Variants in EP400 observed in about 807,000 individuals in gnomAD.
EP400 encodes E1A-binding protein p400.
Under a neutral mutation model 354.1 loss-of-function variants are expected in EP400, and 105 were observed. The observed-to-expected ratio is 0.30, with a 90% CI of 0.25 to 0.35. The LOEUF (loss-of-function observed/expected upper bound fraction) is 0.35. Ranked by LOEUF, EP400 falls within the 10% of genes least tolerant of loss-of-function variation. The probability of loss-of-function intolerance (pLI) is 1.00; values close to 1 mark genes in which losing one functional copy is unlikely to be tolerated. For missense variants in EP400, 3,280 were observed against 4,121.0 expected, an observed-to-expected ratio of 0.80 and a Z score of 5.59; for synonymous variants, 1,646 against 1,716.9, an observed-to-expected ratio of 0.96 and a Z score of 1.02.
Position 131,961,048 on chromosome 12 carries a change from G to A in EP400, c.429G>A (p.Pro143=), listed in dbSNP as rs148844498. The change falls in exon 2 of 53, where the codon CCG becomes CCA. Residue 143 remains proline, a synonymous_variant. Coordinates refer to ENST00000389561, the MANE Select transcript of EP400 (RefSeq NM_015409.5). ...GTCCCACGCAGCCCAGTCCGGGGCC[G>A]GGGCAGGCCTTGCAGAATGTGCGTG... is the stretch of plus-strand genomic sequence containing the variant. ...TQSPTQPSPG[P]GQALQNVRAG... 1.8e-5 allele frequency: 29 copies of A among 1,579,476 alleles called. No individual in the cohort carries two copies. Among genetic ancestry groups the A allele is most frequent in the African/African-American group, 8.1e-5 (6 of 74,144 alleles).
rs748365239 is a variant in EP400, at chr12:132,006,891, A to G, written c.3304+14A>G. 6.2e-7 allele frequency: 1 copy of G among 1,613,660 alleles called. No individual in the cohort carries two copies. The highest frequency in any genetic ancestry group is 1.1e-5 in the South Asian group (1 of 90,964). On this transcript the variant is annotated intron_variant, in intron 15 of 52. Transcript: ENST00000389561. ...CTTGTAACGAAGGTAAGAGTTTGCTAGTTTTTTTAACAATACCTATTTGCT... is the reference window on the plus strand; with the variant it reads ...CTTGTAACGAAGGTAAGAGTTTGCTGGTTTTTTTAACAATACCTATTTGCT...
At chr12:131,955,016 T>G (rs139381004) in intron 1 of EP400, among the ~76,000 whole-genome samples, 233 of 152,172 alleles carry the variant, frequency 1.5e-3, no homozygotes, top group Non-Finnish European at 2.4e-3. Flanking sequence ...GAGTGAGACC[T>G]TATGTCAAAA....
At chr12:132,000,250 G>A (rs1202822302) in intron 12 of EP400, among the ~76,000 whole-genome samples, 1 of 151,900 alleles carries the variant, frequency 6.6e-6, no homozygotes, top group African/African-American at 2.4e-5. Flanking sequence ...TTAGAAGGAT[G>A]TTTCTTAATT....
intron 3 of EP400, among the ~76,000 whole-genome samples, 162 bp downstream of exon 3, chr12:131,979,955 G>C (rs773071002): frequency 4.6e-5 from 7 of 152,146 alleles, no homozygotes; most frequent in Non-Finnish European, 2.9e-5. Context: ...CAATATTTAC[G>C]TGAATTTTTC....
At chr12:132,011,708 A>G in intron 16 of EP400, 74 bp downstream of exon 16, 1 of 1,465,140 alleles carries the variant, frequency 6.8e-7, no homozygotes, top group Non-Finnish European at 9.2e-7. Flanking sequence ...ACATTAAAAA[A>G]TGTGAAGACA....
intron 19 of EP400, among the ~76,000 whole-genome samples, chr12:132,015,960 G>A (rs957579977): frequency 6.6e-5 from 10 of 152,126 alleles, no homozygotes; most frequent in African/African-American, 2.4e-4. Context: ...GAGCTCCAGA[G>A]CTGCCAGACC....
At chr12:131,979,197 G>A (rs1393377587) in intron 2 of EP400, among the ~76,000 whole-genome samples, 1 of 150,208 alleles carries the variant, frequency 6.7e-6, no homozygotes, top group Non-Finnish European at 1.5e-5. Flanking sequence ...GGGTGACAGA[G>A]CGAGACTCCG....
Position 131,949,967 on chromosome 12 carries a change from G to A in EP400, c.-105G>A, listed in dbSNP as rs887482507. The A allele has an allele frequency of 1.1e-4, 17 of 151,874 alleles. No individual in the cohort carries two copies. Among genetic ancestry groups the A allele is most frequent in the African/African-American group, 4.1e-4 (17 of 41,424 alleles). The allele number at this position is 151,874 out of a possible 1,614,324, so 9.4% of individuals were successfully genotyped here. A position where few individuals can be genotyped will look rare whatever the true frequency, so the allele number is the denominator to read the frequency against. On this transcript the variant is annotated 5_prime_UTR_variant, in exon 1 of 53. The change abolishes the stop of an existing upstream ORF in the 5' untranslated region. Coordinates refer to ENST00000389561, the MANE Select transcript of EP400 (RefSeq NM_015409.5). ...CTCCCGCCGGGGCCCCGGATGCACT[G>A]AGCGGCTGCGGCGCGGCTTCCATCC...
chr12:131,990,155 G>T lies in EP400; in HGVS notation c.2550+51G>T. 1.3e-6 allele frequency: 2 copies of T among 1,558,370 alleles called. No individual in the cohort carries two copies. The highest frequency in any genetic ancestry group is 1.7e-6 in the Non-Finnish European group (2 of 1,157,834). On this transcript the variant is annotated intron_variant, in intron 8 of 52. Coordinates refer to ENST00000389561, the MANE Select transcript of EP400 (RefSeq NM_015409.5). This position sits in a 1 kb window ranked among gnomAD's most constrained non-coding sequence, Gnocchi z 4.2. ...CGTAAGAATCAGTCTGTCGGAGCTG[G>T]TGAGGCCACTTCCCGAGACCAGAGC...
In EP400 at chr12:132,069,737, C is replaced by T. The variant is rs916439907; in HGVS notation, c.9021+96C>T. 1.6e-5 allele frequency: 25 copies of T among 1,536,270 alleles called. No individual in the cohort carries two copies. In the African/African-American group the frequency reaches 1.8e-4, roughly 11 times the overall value. ...GGGCTTTGCGAGCTCCCAGCCCTTG[C>T]GGCTGCACTGGGTGGTGCACTGGAG... On this transcript the variant is annotated intron_variant, in intron 51 of 52. Transcript: ENST00000389561.
At position 132,044,843 on chromosome 12, in the gene EP400, A is replaced by G. The variant is rs778609624; in HGVS notation, c.6674A>G (p.Tyr2225Cys). The G allele has an allele frequency of 6.2e-7, 1 of 1,614,014 alleles. No homozygotes were observed. Among genetic ancestry groups the G allele is most frequent in the East Asian group, 2.2e-5 (1 of 44,872 alleles). The change falls in exon 37 of 53, where the codon TAC (tyrosine) becomes TGC (cysteine). Residue 2225 changes from tyrosine (Y) to cysteine (C), a missense_variant. Physicochemically the swap from Tyr to Cys is radical, Grantham distance 194. Transcript: ENST00000389561. ...PTPPQDDSDI[Y>C]LDSVMCLMYE... ...CCGCCGCAGGACGACAGCGACATCTACCTCGACTCGGTCATGTGTCTCATG... is the reference window on the plus strand; with the variant it reads ...CCGCCGCAGGACGACAGCGACATCTGCCTCGACTCGGTCATGTGTCTCATG...
intron 50 of EP400, chr12:132,068,891 G>C (rs1414155419): frequency 6.6e-6 from 1 of 152,662 alleles, no homozygotes; most frequent in Non-Finnish European, 1.5e-5. Context: ...TGGTCCCTCA[G>C]GCTTGAGCTG....
rs1284976640 is a variant in EP400 at position 132,031,941 on chromosome 12, G to C, written c.5755-12G>C. 6.3e-7 allele frequency: 1 copy of C among 1,593,626 alleles called. No homozygotes were observed. Among genetic ancestry groups the C allele is most frequent in the Non-Finnish European group, 8.6e-7 (1 of 1,166,640 alleles). On this transcript the variant is annotated splice_polypyrimidine_tract_variant and intron_variant, in intron 29 of 52. Transcript: ENST00000389561. ...CCAAGAATACTAACTCCTGTGTTTT[G>C]TTTCATCTTAGGAACTGATGAGGAG...
intron 12 of EP400, among the ~76,000 whole-genome samples, chr12:132,003,215 C>CA (rs892089558): frequency 1.3e-5 from 2 of 149,032 alleles, no homozygotes; most frequent in Non-Finnish European, 3.0e-5. Context: ...AACAGCCAAC[C>CA]AAAAAAACCC....
chr12:131,950,366 G>A (rs1049082892), intron 1 of EP400, among the ~76,000 whole-genome samples: 14 of 152,122 alleles, frequency 9.2e-5, no homozygotes, highest in Non-Finnish European at 1.9e-4. Flanking sequence ...GGGAACCGGG[G>A]GACTCCGGCC....
chr12:131,950,136 C>T (rs1891409869), intron 1 of EP400, 100 bp downstream of exon 1: 1 of 151,814 alleles, frequency 6.6e-6, no homozygotes, highest in Non-Finnish European at 1.5e-5. Flanking sequence ...CGTACAGGGC[C>T]CGCTCGCCGG....
rs574040970 is a variant in EP400 at position 132,038,815 on chromosome 12, C to T, written c.6207+719C>T. 2.9e-3 allele frequency among the ~76,000 whole-genome samples: 436 copies of T among 152,324 alleles called. 1 individual carries two copies. Among genetic ancestry groups the T allele is most frequent in the Middle Eastern group, 0.014 (4 of 294 alleles). On this transcript the variant is annotated intron_variant, in intron 32 of 52. Transcript: ENST00000389561. The surrounding 1 kb of genome is among the most constrained non-coding windows in gnomAD (Gnocchi z 4.2). Reference sequence around the variant, plus strand: ...CCCACGTCCTGGAGATGGAGGCCTTCAGCTGCCTTTGTTCTCTGAGTCCCC... The same window carrying T: ...CCCACGTCCTGGAGATGGAGGCCTTTAGCTGCCTTTGTTCTCTGAGTCCCC...
chr12:132,067,462 G>C lies in EP400; in HGVS notation c.8850G>C (p.Gln2950His). Residue 2950 changes from glutamine (Q) to histidine (H), a missense_variant, in exon 50 of 53, where the codon CAG becomes CAC. Physicochemically the swap from Gln to His is conservative, Grantham distance 24. Transcript: ENST00000389561. The surrounding 1 kb of genome is among the most constrained non-coding windows in gnomAD (Gnocchi z 5.3). ...QQKAIQPQAAQGPAAVQQKIT... is the reference protein window; with the variant it reads ...QQKAIQPQAAHGPAAVQQKIT... ...AGGCCATCCAGCCCCAGGCTGCACAGGGCCCGGCAGCCGTCCAGCAGAAGG... is the reference window on the plus strand; with the variant it reads ...AGGCCATCCAGCCCCAGGCTGCACACGGCCCGGCAGCCGTCCAGCAGAAGG... 1 of 1,613,206 alleles carries C rather than the reference G, an allele frequency of 6.2e-7. No individual in the cohort carries two copies. The highest frequency in any genetic ancestry group is 8.5e-7 in the Non-Finnish European group (1 of 1,180,014).
At chr12:132,036,696 TTTTTG>T (rs774778723) in intron 30 of EP400, among the ~76,000 whole-genome samples, 1 of 152,146 alleles carries the variant, frequency 6.6e-6, no homozygotes, top group African/African-American at 2.4e-5. Context: ...ATCCAGGCGA[TTTTTG>T]TTTTGTTTTG....
Sources: allele counts gnomAD v4.1 joint callset (sites outside exome capture counted in the v4.1 genomes callset), GRCh38; gene constraint gnomAD v4.1.1; non-coding constraint Gnocchi (gnomAD v3.1); transcripts MANE v1.5; gene names NCBI Gene and HGNC (gene_info 2026-07-23, HGNC 2026-07-21).